Variants in PTPRG observed in about 807,000 individuals in gnomAD.
PTPRG encodes the protein receptor-type tyrosine-protein phosphatase gamma.
Under a neutral mutation model 165.3 loss-of-function variants are expected in PTPRG, and 102 were observed. The observed-to-expected ratio is 0.62, with a 90% CI of 0.53 to 0.73. PTPRG has a LOEUF of 0.73. PTPRG is among the 30% of genes least tolerant of loss of function. The pLI is 0.00. For synonymous variants in PTPRG, 675 were observed against 669.5 expected (o/e 1.01, Z -0.13); for missense variants, 1,866 against 1,861.4 (o/e 1.00, Z -0.05).
chr3:61,584,893 GCT>G (rs1700395732), intron 1 of PTPRG, among the ~76,000 whole-genome samples: 2 of 152,310 alleles, frequency 1.3e-5, no homozygotes, highest in Middle Eastern at 3.4e-3. Context: ...TTTGAAGACT[GCT>G]CTGTGTTTGA....
intron 5 of PTPRG, among the ~76,000 whole-genome samples, chr3:62,119,102 C>T (rs183706147): frequency 2.0e-5 from 3 of 152,086 alleles, no homozygotes; most frequent in East Asian, 3.9e-4. Flanking sequence ...TCCAGTCAAG[C>T]GATCAGATTT....
chr3:61,715,111 C>T lies in PTPRG; in HGVS notation c.86-33767C>T, dbSNP rs759634526. Among the ~76,000 whole-genome samples the T allele has an allele frequency of 7.3e-5, 11 of 151,704 alleles. No individual in the cohort carries two copies. The East Asian group carries it at 1.2e-3, about 16-fold the overall frequency. ...GTGCTAGAGGACAGCATACTTAAAGCCGGGATGGTCTGGTCATAGGTACAG... is the reference window on the plus strand; with the variant it reads ...GTGCTAGAGGACAGCATACTTAAAGTCGGGATGGTCTGGTCATAGGTACAG... On this transcript the variant is annotated intron_variant, in intron 1 of 29. Coordinates refer to ENST00000474889, the MANE Select transcript of PTPRG (RefSeq NM_002841.4).
intron 1 of PTPRG, among the ~76,000 whole-genome samples, chr3:61,582,876 T>C (rs1233306114): frequency 6.6e-6 from 1 of 152,182 alleles, no homozygotes; most frequent in African/African-American, 2.4e-5. Context: ...CCTAAAGCAA[T>C]GTGTTGCAGT....
intron 2 of PTPRG, among the ~76,000 whole-genome samples, chr3:61,813,541 A>ATC (rs1241266298): frequency 5.8e-5 from 4 of 69,188 alleles, no homozygotes; most frequent in African/African-American, 2.2e-4. Flanking sequence ...AAAAAAGAAA[A>ATC]TCTGTGTGTG....
chr3:62,202,506 T>C (rs1395643617), intron 11 of PTPRG, among the ~76,000 whole-genome samples: 1 of 152,222 alleles, frequency 6.6e-6, no homozygotes, highest in Non-Finnish European at 1.5e-5. Flanking sequence ...CTGTATGGGC[T>C]CAGATTTTCC....
intron 8 of PTPRG, among the ~76,000 whole-genome samples, chr3:62,182,659 C>A (rs201207756): frequency 2.6e-5 from 4 of 152,028 alleles, no homozygotes; most frequent in African/African-American, 7.2e-5. Context: ...GTAACTAATT[C>A]TTTGTTTGTT....
chr3:61,629,401 G>A (rs1057205711), intron 1 of PTPRG, among the ~76,000 whole-genome samples: 3 of 152,124 alleles, frequency 2.0e-5, no homozygotes, highest in Non-Finnish European at 4.4e-5. Context: ...TGATCCGCCT[G>A]CCTTGGTCTC....
At chr3:61,736,665 C>T (rs1449362474) in intron 1 of PTPRG, among the ~76,000 whole-genome samples, 1 of 152,170 alleles carries the variant, frequency 6.6e-6, no homozygotes, top group African/African-American at 2.4e-5. Context: ...CCTCCACAGT[C>T]CCCTGTGCAC....
intron 14 of PTPRG, among the ~76,000 whole-genome samples, chr3:62,231,795 G>C (rs1276948404): frequency 6.6e-6 from 1 of 151,648 alleles, no homozygotes; most frequent in East Asian, 1.9e-4. Flanking sequence ...GATGTACTAT[G>C]TGTTTTTCCT....
rs1407520852 is a variant in PTPRG at position 62,254,733 on chromosome 3, A to T, written c.2468-391A>T. Among the ~76,000 whole-genome samples, 1 of 152,010 alleles carries T rather than the reference A, an allele frequency of 6.6e-6. No homozygotes were observed. The highest frequency in any genetic ancestry group is 6.6e-5 in the Admixed American group (1 of 15,264). On this transcript the variant is annotated intron_variant, in intron 15 of 29. Transcript: ENST00000474889. This position sits in a 1 kb window ranked among gnomAD's most constrained non-coding sequence, Gnocchi z 4.6. ...GGACTCCATTGAACAGCAATTAAAA[A>T]AAAACAACAACAACAACAACAAAGA... is the stretch of plus-strand genomic sequence containing the variant.
chr3:61,687,058 T>G (rs1404200843), intron 1 of PTPRG, among the ~76,000 whole-genome samples: 1 of 152,214 alleles, frequency 6.6e-6, no homozygotes, highest in Non-Finnish European at 1.5e-5. Context: ...CATCAACCGT[T>G]GACCACTGGG....
intron 1 of PTPRG, among the ~76,000 whole-genome samples, chr3:61,599,919 G>C (rs1376873893): frequency 6.6e-6 from 1 of 152,018 alleles, no homozygotes; most frequent in Non-Finnish European, 1.5e-5. Context: ...AGCACTTTGG[G>C]AAGCTGAGGC....
intron 2 of PTPRG, among the ~76,000 whole-genome samples, chr3:61,947,027 T>G (rs756612874): frequency 1.3e-5 from 2 of 152,186 alleles, no homozygotes; most frequent in Admixed American, 6.5e-5. Context: ...TTCAGAGGTT[T>G]CCAGCAGCGA....
chr3:61,676,584 C>G (rs1441723489), intron 1 of PTPRG, among the ~76,000 whole-genome samples: 1 of 151,178 alleles, frequency 6.6e-6, no homozygotes. Flanking sequence ...TTTAGTGTAT[C>G]AAGTAATTTT....
At chr3:61,669,925 G>C (rs894959302) in intron 1 of PTPRG, among the ~76,000 whole-genome samples, 1 of 152,156 alleles carries the variant, frequency 6.6e-6, no homozygotes, top group African/African-American at 2.4e-5. Flanking sequence ...TGCTCTTCGT[G>C]GAAGAGGTAG....
At chr3:62,028,738 C>G (rs543254064) in intron 4 of PTPRG, among the ~76,000 whole-genome samples, 1 of 152,312 alleles carries the variant, frequency 6.6e-6, no homozygotes, top group African/African-American at 2.4e-5. Flanking sequence ...TAATGAAACT[C>G]AGTGGTACAA....
At chr3:61,685,872 T>A (rs1317618291) in intron 1 of PTPRG, among the ~76,000 whole-genome samples, 1 of 152,156 alleles carries the variant, frequency 6.6e-6, no homozygotes, top group Non-Finnish European at 1.5e-5. Flanking sequence ...GCTGGCACAT[T>A]GAGGAGCACA....
chr3:61,665,630 G>A (rs1702792078), intron 1 of PTPRG, among the ~76,000 whole-genome samples: 1 of 151,984 alleles, frequency 6.6e-6, no homozygotes. Flanking sequence ...TTTAGGCCAG[G>A]CTAGGCAACC....
chr3:61,584,765 T>C (rs1700392512), intron 1 of PTPRG, among the ~76,000 whole-genome samples: 1 of 152,062 alleles, frequency 6.6e-6, no homozygotes, highest in Non-Finnish European at 1.5e-5. Context: ...CTCCATTGAG[T>C]TTGTCCAGCC....
Sources: allele counts gnomAD v4.1 joint callset (sites outside exome capture counted in the v4.1 genomes callset), GRCh38; gene constraint gnomAD v4.1.1; non-coding constraint Gnocchi (gnomAD v3.1); transcripts MANE v1.5; gene names NCBI Gene and HGNC (gene_info 2026-07-23, HGNC 2026-07-21).